DLGAP1: variants seen among roughly 807,000 people sequenced by gnomAD.
The protein encoded by DLGAP1 is DLG associated protein 1, also known as disks large-associated protein 1.
A neutral mutation model predicts 90.8 loss-of-function variants in DLGAP1; 11 were observed. The ratio of observed to expected loss-of-function variants is 0.12; its 90% CI spans 0.08 to 0.20. DLGAP1 has a LOEUF of 0.20. DLGAP1 is among the 10% of genes least tolerant of loss of function. The probability of loss-of-function intolerance (pLI) is 1.00; values close to 1 mark genes in which losing one functional copy is unlikely to be tolerated. For synonymous variants in DLGAP1, 558 were observed against 540.7 expected, an observed-to-expected ratio of 1.03 and a Z score of -0.44; for missense variants, 1,050 against 1,333.8, an observed-to-expected ratio of 0.79 and a Z score of 3.31.
intron 9 of DLGAP1, among the ~76,000 whole-genome samples, chr18:3,545,204 G>T (rs2052942799): frequency 6.6e-6 from 1 of 151,966 alleles, no homozygotes; most frequent in Non-Finnish European, 1.5e-5. Context: ...AACCCAGGAG[G>T]TGGAGGCTGC....
intron 2 of DLGAP1, among the ~76,000 whole-genome samples, chr18:4,123,702 C>T (rs558589683): frequency 3.9e-5 from 6 of 152,260 alleles, no homozygotes; most frequent in South Asian, 4.1e-4. Flanking sequence ...AATTGCCCTG[C>T]GAATACAAAA....
chr18:3,923,822 T>C (rs964030404), intron 3 of DLGAP1, among the ~76,000 whole-genome samples: 2 of 152,244 alleles, frequency 1.3e-5, no homozygotes, highest in Non-Finnish European at 2.9e-5. Flanking sequence ...TTTTATCATA[T>C]TGCTGATTCA....
rs147035798 is a variant in DLGAP1 at position 4,131,808 on chromosome 18, C to T, written c.-159+19372G>A. On this transcript the variant is annotated intron_variant, in intron 2 of 12. Coordinates refer to ENST00000315677, the MANE Select transcript of DLGAP1 (RefSeq NM_004746.4). ...AGTGATAGCGTAAAGAAATCTATAA[C>T]TGTTTCTATTGACTGTGCAAATGTT... Among the ~76,000 whole-genome samples the T allele has an allele frequency of 8.7e-4, 132 of 152,260 alleles. 1 individual carries two copies. Among genetic ancestry groups the T allele is most frequent in the Admixed American group, 1.9e-3 (29 of 15,278 alleles).
In DLGAP1 at chr18:3,497,445, C is replaced by T. The variant is rs1170677940; in HGVS notation, c.*1740G>A. 2 of 152,134 alleles carry T rather than the reference C, an allele frequency of 1.3e-5. No homozygotes were observed. The highest frequency in any genetic ancestry group is 6.6e-5 in the Admixed American group (1 of 15,260). The allele number at this position is 152,134 out of a possible 1,614,324, so 9.4% of individuals were successfully genotyped here. ...TAAAGGTAGCTCAAAGCATCGATGG[C>T]TCTGAGAGGTAGCGAATTCTCTAGT... is the stretch of plus-strand genomic sequence containing the variant. On this transcript the variant is annotated 3_prime_UTR_variant, in exon 13 of 13. Coordinates refer to ENST00000315677, the MANE Select transcript of DLGAP1 (RefSeq NM_004746.4).
chr18:4,183,068 A>G (rs945984993), intron 1 of DLGAP1, among the ~76,000 whole-genome samples: 10 of 152,206 alleles, frequency 6.6e-5, no homozygotes, highest in Admixed American at 4.6e-4. Flanking sequence ...ATGAGCTACC[A>G]AAACAGACCA....
chr18:3,936,247 T>G (rs2072636532), intron 3 of DLGAP1, among the ~76,000 whole-genome samples: 1 of 152,256 alleles, frequency 6.6e-6, no homozygotes, highest in Admixed American at 6.5e-5. Context: ...CTGTTTTCTC[T>G]GGGTCAAGAG....
At chr18:4,403,459 G>T (rs1056333237) in intron 1 of DLGAP1, among the ~76,000 whole-genome samples, 1 of 152,084 alleles carries the variant, frequency 6.6e-6, no homozygotes, top group African/African-American at 2.4e-5. Flanking sequence ...GAAAATAAAA[G>T]ATGTTTTTAG....
chr18:3,913,851 G>T (rs1164850711), intron 3 of DLGAP1, among the ~76,000 whole-genome samples: 1 of 152,106 alleles, frequency 6.6e-6, no homozygotes, highest in Non-Finnish European at 1.5e-5. Flanking sequence ...AACATTACAA[G>T]GTTGATATAT....
chr18:4,095,335 G>T (rs946069551), intron 2 of DLGAP1, among the ~76,000 whole-genome samples: 9 of 152,160 alleles, frequency 5.9e-5, no homozygotes, highest in South Asian at 2.1e-4. Flanking sequence ...ACTTGGCTGA[G>T]AGGGAGATTT....
At chr18:3,838,306 T>A (rs2068520102) in intron 4 of DLGAP1, among the ~76,000 whole-genome samples, 2 of 152,226 alleles carry the variant, frequency 1.3e-5, no homozygotes, top group Admixed American at 1.3e-4. Context: ...CTAATCAGAT[T>A]CTTTCAGTTG....
intron 3 of DLGAP1, among the ~76,000 whole-genome samples, chr18:3,967,151 C>T (rs1284802964): frequency 6.6e-6 from 1 of 152,174 alleles, no homozygotes; most frequent in African/African-American, 2.4e-5. Context: ...ATGGCAGTGC[C>T]TGTCTACATT....
chr18:4,385,105 A>G (rs538560923), intron 1 of DLGAP1, among the ~76,000 whole-genome samples: 2 of 152,306 alleles, frequency 1.3e-5, no homozygotes, highest in South Asian at 2.1e-4. Context: ...CAGGCTGTAC[A>G]GTAGGAAGGG....
chr18:4,200,628 T>G (rs538095991), intron 1 of DLGAP1, among the ~76,000 whole-genome samples: 11 of 151,924 alleles, frequency 7.2e-5, no homozygotes, highest in African/African-American at 2.6e-4. Context: ...GTGAAAATAT[T>G]AAAATTTTTT....
chr18:3,505,228 G>A (rs2050149441), intron 11 of DLGAP1, among the ~76,000 whole-genome samples: 1 of 152,176 alleles, frequency 6.6e-6, no homozygotes, highest in Non-Finnish European at 1.5e-5. Flanking sequence ...GGATGTATAA[G>A]GATTGTGGTT....
In DLGAP1 at chr18:3,929,218, T is replaced by C. The variant is rs117358295; in HGVS notation, c.-72-49078A>G. On this transcript the variant is annotated intron_variant, in intron 3 of 12. Coordinates refer to ENST00000315677, the MANE Select transcript of DLGAP1 (RefSeq NM_004746.4). ...CTTTTTCTGTAATTTCATTTTTAGATAGAAGAAACTTAAGAGTAAAGTAAG... is the reference window on the plus strand; with the variant it reads ...CTTTTTCTGTAATTTCATTTTTAGACAGAAGAAACTTAAGAGTAAAGTAAG... Among the ~76,000 whole-genome samples, 740 of 152,316 alleles carry C rather than the reference T, an allele frequency of 4.9e-3. 5 individuals are homozygous for C. Among genetic ancestry groups the C allele is most frequent in the Middle Eastern group, 0.014 (4 of 294 alleles).
intron 1 of DLGAP1, among the ~76,000 whole-genome samples, chr18:4,438,970 G>C (rs1338517114): frequency 6.6e-6 from 1 of 152,212 alleles, no homozygotes; most frequent in African/African-American, 2.4e-5. Context: ...AAACACTGTG[G>C]CTAGCAATGT....
chr18:4,284,475 A>G (rs2079633922), intron 1 of DLGAP1, among the ~76,000 whole-genome samples: 1 of 152,168 alleles, frequency 6.6e-6, no homozygotes, highest in Admixed American at 6.5e-5. Context: ...TGGAGTGTCA[A>G]AGAGCCTGTG....
At chr18:4,341,735 G>A (rs1420504936) in intron 1 of DLGAP1, among the ~76,000 whole-genome samples, 2 of 152,010 alleles carry the variant, frequency 1.3e-5, no homozygotes, top group African/African-American at 4.8e-5. Context: ...AATAGTATTT[G>A]GTATACTGGA....
chr18:3,708,423 T>C (rs1475134268), intron 7 of DLGAP1: 2 of 456,564 alleles, frequency 4.4e-6, no homozygotes, highest in Non-Finnish European at 8.8e-6. Context: ...TTACCCATTT[T>C]GCCTGAGTGG....
Sources: allele counts gnomAD v4.1 joint callset (sites outside exome capture counted in the v4.1 genomes callset), GRCh38; gene constraint gnomAD v4.1.1; transcripts MANE v1.5; gene names NCBI Gene and HGNC (gene_info 2026-07-23, HGNC 2026-07-21).